The following ERN1 variants were observed in gnomAD, a reference collection of about 807,000 sequenced individuals.
The protein encoded by ERN1 is endoplasmic reticulum to nucleus signaling 1.
A neutral mutation model predicts 113.1 loss-of-function variants in ERN1; 39 were observed. The observed-to-expected ratio is 0.34, with a 90% CI of 0.27 to 0.45. The LOEUF is 0.45. Among genes scored for constraint, ERN1 ranks in the 20% least tolerant of loss-of-function variants. The pLI is 1.00. For synonymous variants in ERN1, 507 were observed against 515.9 expected (o/e 0.98, Z 0.23); for missense variants, 976 against 1,274.8 (o/e 0.77, Z 3.57).
rs770996053 is a variant in ERN1, at chr17:64,044,132, C to A, written c.2790G>T (p.Val930=). 4 of 1,608,608 alleles carry A rather than the reference C, an allele frequency of 2.5e-6. No individual in the cohort carries two copies. Among genetic ancestry groups the A allele is most frequent in the Non-Finnish European group, 3.4e-6 (4 of 1,176,866 alleles). Residue 930 remains valine, a synonymous_variant, in exon 22 of 22, where the codon GTG becomes GTT. Transcript: ENST00000433197. This position sits in a 1 kb window ranked among gnomAD's most constrained non-coding sequence, Gnocchi z 4.1. ...GGGGGAAGCGAGATGTGAAGTAGCA[C>A]ACGAAGTCGTCGGGGAGGGACCCCA... ...ETLGSLPDDF[V]CYFTSRFPHL...
At chr17:64,115,561 C>T (rs1395709295) in intron 1 of ERN1, among the ~76,000 whole-genome samples, 1 of 152,224 alleles carries the variant, frequency 6.6e-6, no homozygotes, top group Non-Finnish European at 1.5e-5. Context: ...TCTGGTCCCA[C>T]CCTACCCTGC....
intron 4 of ERN1, among the ~76,000 whole-genome samples, chr17:64,079,383 T>G (rs983594629): frequency 5.9e-5 from 9 of 152,160 alleles, no homozygotes; most frequent in Admixed American, 2.6e-4. Flanking sequence ...GAGCAAACCC[T>G]GTTCTTAACA....
intron 1 of ERN1, among the ~76,000 whole-genome samples, chr17:64,102,022 G>A (rs934245118): frequency 1.3e-5 from 2 of 152,144 alleles, no homozygotes; most frequent in Non-Finnish European, 2.9e-5. Context: ...GCTCATGCCT[G>A]TAATCTCAGC....
At chr17:64,096,290 T>C (rs1914226913) in intron 2 of ERN1, among the ~76,000 whole-genome samples, 1 of 152,254 alleles carries the variant, frequency 6.6e-6, no homozygotes, top group Non-Finnish European at 1.5e-5. Flanking sequence ...TAGATTTTCA[T>C]AGGAGTGTGA....
intron 4 of ERN1, among the ~76,000 whole-genome samples, chr17:64,078,796 G>C (rs1913677756): frequency 6.6e-6 from 1 of 152,084 alleles, no homozygotes; most frequent in African/African-American, 2.4e-5. Flanking sequence ...CTTGAGCCCA[G>C]AAGTTGGAGA....
intron 7 of ERN1, 34 bp from the exon 8 acceptor site, chr17:64,066,966 C>T (rs768661195): frequency 6.3e-7 from 1 of 1,599,172 alleles, no homozygotes; most frequent in Non-Finnish European, 8.6e-7. Flanking sequence ...CATGCTGAGT[C>T]TCACCCCATC....
Position 64,060,619 on chromosome 17 carries a change from CAA to C in ERN1, c.1088-34_1088-33del. ...CAGGAAACAAAACCTTTAGTGAGAA[CAA>C]TTTCCCGAGCTGTGGTGGCACTCAA... On this transcript the variant is annotated intron_variant, in intron 10 of 21. Transcript: ENST00000433197. The C allele has an allele frequency of 2.0e-6, 3 of 1,520,608 alleles. No individual in the cohort carries two copies. The South Asian group carries it at 3.4e-5, about 17-fold the overall frequency. The allele number at this position is 1,520,608 out of a possible 1,614,324, so 94.2% of individuals were successfully genotyped here.
chr17:64,096,466 A>C (rs1914232859), intron 2 of ERN1, among the ~76,000 whole-genome samples: 1 of 152,190 alleles, frequency 6.6e-6, no homozygotes. Context: ...GAGTTGTATA[A>C]TTATTTCATT....
At position 64,125,217 on chromosome 17, in the gene ERN1, T is replaced by C. The variant is rs1222458910; in HGVS notation, c.54+4759A>G. ...AATAGAAGGCTTGTTTTTTATTTTT[T>C]AATTTAGGCTTATCTATCCTTTCTA... On this transcript the variant is annotated intron_variant, in intron 1 of 21. Transcript: ENST00000433197. 2.0e-5 allele frequency among the ~76,000 whole-genome samples: 3 copies of C among 152,236 alleles called. No individual in the cohort carries two copies. The South Asian group carries it at 6.2e-4, about 32-fold the overall frequency.
chr17:64,049,772 C>T lies in ERN1; in HGVS notation c.2254-570G>A, dbSNP rs1469403395. Among the ~76,000 whole-genome samples the T allele has an allele frequency of 6.6e-6, 1 of 152,226 alleles. No individual in the cohort carries two copies. The highest frequency in any genetic ancestry group is 1.5e-5 in the Non-Finnish European group (1 of 68,040). ...GTTTGATGTTAATCCGAGAAAGCCT[C>T]TCACTTATCCCATGAAACCATTCTG... On this transcript the variant is annotated intron_variant, in intron 17 of 21. Coordinates refer to ENST00000433197, the MANE Select transcript of ERN1 (RefSeq NM_001433.5). The surrounding 1 kb of genome is among the most constrained non-coding windows in gnomAD (Gnocchi z 4.7).
In ERN1 at chr17:64,060,558, T is replaced by C. The variant is rs767148501; in HGVS notation, c.1117A>G (p.Thr373Ala). The C allele has an allele frequency of 2.5e-6, 4 of 1,613,690 alleles. No homozygotes were observed. In the East Asian group the frequency reaches 6.7e-5, roughly 27 times the overall value. Residue 373 changes from threonine (T) to alanine (A), a missense_variant, in exon 11 of 22, where the codon ACC (threonine) becomes GCC (alanine). Around this residue, in one of 5 missense-constraint regions of ERN1, gnomAD observed 459 missense variants for 581.2 expected, o/e 0.79. Transcript: ENST00000433197. ...GHHETPLSAS[T>A]KMLERFPNNL... Reference sequence around the variant, plus strand: ...TTGGGAAATCTCTCCAGCATCTTGGTAGACGCAGACAGTGGGGTTTCATGG... The same window carrying C: ...TTGGGAAATCTCTCCAGCATCTTGGCAGACGCAGACAGTGGGGTTTCATGG...
chr17:64,109,163 A>C (rs1914609809), intron 1 of ERN1, among the ~76,000 whole-genome samples: 1 of 151,892 alleles, frequency 6.6e-6, no homozygotes, highest in Admixed American at 6.6e-5. Context: ...TCACGTAGAA[A>C]CCCCAAGGGA....
At position 64,100,072 on chromosome 17, in the gene ERN1, G is replaced by A. The variant is rs543280464; in HGVS notation, c.55-1831C>T. On this transcript the variant is annotated intron_variant, in intron 1 of 21. Transcript: ENST00000433197. ...CTCAAGGGTGGTATCTGCCCTAGCC[G>A]GGGATGCAAAGGTCACTGTTTGGGA... Among the ~76,000 whole-genome samples the A allele has an allele frequency of 9.8e-5, 15 of 152,312 alleles. No homozygotes were observed. The South Asian group carries it at 2.9e-3, about 29-fold the overall frequency.
In ERN1 at chr17:64,049,578, G is replaced by T. The variant is rs1294982485; in HGVS notation, c.2254-376C>A. ...TATATTCCTTACCCCCAACACGAAA[G>T]TGCTCACAGACAGGGTCTCTGTGTC... On this transcript the variant is annotated intron_variant, in intron 17 of 21. Coordinates refer to ENST00000433197, the MANE Select transcript of ERN1 (RefSeq NM_001433.5). The surrounding 1 kb of genome is among the most constrained non-coding windows in gnomAD (Gnocchi z 4.7). 1.3e-5 allele frequency among the ~76,000 whole-genome samples: 2 copies of T among 152,198 alleles called. No individual in the cohort carries two copies. Among genetic ancestry groups the T allele is most frequent in the Admixed American group, 1.3e-4 (2 of 15,284 alleles).
chr17:64,051,616 A>G (rs1912686975), intron 17 of ERN1, among the ~76,000 whole-genome samples: 1 of 152,264 alleles, frequency 6.6e-6, no homozygotes, highest in Admixed American at 6.5e-5. Flanking sequence ...AGAATGGGGC[A>G]TCCTATAACC....
rs918706829 is a variant in ERN1 at position 64,049,449 on chromosome 17, G to A, written c.2254-247C>T. On this transcript the variant is annotated intron_variant, in intron 17 of 21. Transcript: ENST00000433197. This position sits in a 1 kb window ranked among gnomAD's most constrained non-coding sequence, Gnocchi z 4.7. ...CCCCTGGTTCCCTCTCATGTGAGAT[G>A]AGGACACTGACAGCATGGGGCTGTT... Among the ~76,000 whole-genome samples, 1 of 152,178 alleles carries A rather than the reference G, an allele frequency of 6.6e-6. No individual in the cohort carries two copies. The highest frequency in any genetic ancestry group is 1.5e-5 in the Non-Finnish European group (1 of 68,006).
chr17:64,040,304 A>T lies in ERN1; in HGVS notation c.*3684T>A, dbSNP rs1299109435. On this transcript the variant is annotated 3_prime_UTR_variant, in exon 22 of 22. Coordinates refer to ENST00000433197, the MANE Select transcript of ERN1 (RefSeq NM_001433.5). The stretch of plus-strand genomic sequence containing the variant: ...GGAACTGGCCCCCAGTTCCCAGAGG[A>T]TCACAAGGCCAAGGATCCAATGGGC... 6.6e-6 allele frequency: 1 copy of T among 152,232 alleles called. No individual in the cohort carries two copies. Among genetic ancestry groups the T allele is most frequent in the Non-Finnish European group, 1.5e-5 (1 of 68,104 alleles). 9.4% of individuals were successfully genotyped at this position (152,232 alleles called of 1,614,324 possible).
At chr17:64,125,477 C>T (rs1489827873) in intron 1 of ERN1, among the ~76,000 whole-genome samples, 1 of 152,110 alleles carries the variant, frequency 6.6e-6, no homozygotes, top group East Asian at 1.9e-4. Flanking sequence ...CACAGAAGCT[C>T]AATGTTTTTT....
In ERN1 at chr17:64,049,785, T is replaced by A. The variant is rs1912626949; in HGVS notation, c.2254-583A>T. ...CCGAGAAAGCCTCTCACTTATCCCA[T>A]GAAACCATTCTGTGTCTACAGAATA... On this transcript the variant is annotated intron_variant, in intron 17 of 21. Transcript: ENST00000433197. This position sits in a 1 kb window ranked among gnomAD's most constrained non-coding sequence, Gnocchi z 4.7. 6.6e-6 allele frequency among the ~76,000 whole-genome samples: 1 copy of A among 152,226 alleles called. No homozygotes were observed. The highest frequency in any genetic ancestry group is 2.1e-4 in the South Asian group (1 of 4,832).
Sources: gnomAD v4.1 joint callset for allele counts (sites outside exome capture counted in the v4.1 genomes callset) on GRCh38, gnomAD v4.1.1 for gene constraint, gnomAD v4.1.1 regional missense constraint, Gnocchi (gnomAD v3.1) non-coding constraint, MANE v1.5 for transcripts, NCBI Gene and HGNC (gene_info 2026-07-23, HGNC 2026-07-21) for gene names.